KLHL22: variants seen among roughly 807,000 people sequenced by gnomAD.
KLHL22 encodes kelch like family member 22, also known as kelch-like protein 22.
Under a neutral mutation model 60.7 loss-of-function variants are expected in KLHL22, and 18 were observed. The observed-to-expected ratio is 0.30, with a 90% confidence interval of 0.20 to 0.44. The LOEUF is 0.44. Among genes scored for constraint, KLHL22 ranks in the 20% least tolerant of loss-of-function variants. The probability of loss-of-function intolerance (pLI) is 1.00; values close to 1 mark genes in which losing one functional copy is unlikely to be tolerated. For missense variants in KLHL22, 596 were observed against 852.3 expected (o/e 0.70, Z 3.74); for synonymous variants, 355 against 354.5 (o/e 1.00, Z -0.01).
At position 20,451,586 on chromosome 22, in the gene KLHL22, T is replaced by C; in HGVS notation, c.1306-4910A>G. The C allele has an allele frequency of 2.5e-6, 4 of 1,596,594 alleles. No homozygotes were observed. The South Asian group carries it at 4.4e-5, about 18-fold the overall frequency. Reference sequence around the variant, plus strand: ...GATGGTACAGCCCACCTTTCTTCCGTTGAAGCATACAACATTCGCACTGAT... The same window carrying C: ...GATGGTACAGCCCACCTTTCTTCCGCTGAAGCATACAACATTCGCACTGAT... On this transcript the variant is annotated intron_variant, in intron 5 of 6. Coordinates refer to ENST00000328879, the MANE Select transcript of KLHL22 (RefSeq NM_032775.4).
Position 20,488,996 on chromosome 22 carries a change from G to A in KLHL22, c.216C>T (p.Cys72=), listed in dbSNP as rs370020830. 84 of 1,613,566 alleles carry A rather than the reference G, an allele frequency of 5.2e-5. No homozygotes were observed. Among genetic ancestry groups the A allele is most frequent in the Admixed American group, 8.3e-5 (5 of 59,998 alleles). The change falls in exon 2 of 7, where the codon TGC becomes TGT. Residue 72 remains cysteine, a synonymous_variant. Coordinates refer to ENST00000328879, the MANE Select transcript of KLHL22 (RefSeq NM_032775.4). ...TCTAGTGAACTCACCTGAAGTAATC[G>A]CAGGACGCAGCCAGCAGGATGCGAT... ...EAHRILLAAS[C]DYFRGMFAGG...
chr22:20,480,883 A>C (rs2146266783), intron 2 of KLHL22, among the ~76,000 whole-genome samples: 1 of 146,524 alleles, frequency 6.8e-6, no homozygotes, highest in East Asian at 2.1e-4. Context: ...CCAGGCTGGA[A>C]TGCAGTGGCG....
chr22:20,492,548 A>G (rs987622965), intron 1 of KLHL22, among the ~76,000 whole-genome samples: 3 of 150,986 alleles, frequency 2.0e-5, no homozygotes, highest in African/African-American at 7.3e-5. Context: ...TCCCTCTATC[A>G]TTGTACAGAG....
intron 4 of KLHL22, among the ~76,000 whole-genome samples, chr22:20,461,612 T>G (rs2146208635): frequency 6.6e-6 from 1 of 150,988 alleles, no homozygotes; most frequent in East Asian, 2.0e-4. Context: ...TTCCATGACT[T>G]AAGTATTTTC....
At chr22:20,470,832 A>G (rs1459207704) in intron 3 of KLHL22, among the ~76,000 whole-genome samples, 3 of 143,098 alleles carry the variant, frequency 2.1e-5, no homozygotes, top group South Asian at 4.2e-4. Context: ...GGATGGATGC[A>G]TGCATGCATG....
chr22:20,483,182 T>G, intron 2 of KLHL22: 2 of 639,812 alleles, frequency 3.1e-6, no homozygotes. Context: ...GGAGTCCAGG[T>G]TGATCTCCAA....
Position 20,460,859 on chromosome 22 carries a change from C to A in KLHL22, c.1113-2859G>T, listed in dbSNP as rs1447692911. ...AAACAATTTTACTTATTGCTATGGA[C>A]TAGATGTTTGGATTCCCCCAAAACC... is the stretch of plus-strand genomic sequence containing the variant. On this transcript the variant is annotated intron_variant, in intron 4 of 6. Transcript: ENST00000328879. Among the ~76,000 whole-genome samples, 7 of 152,118 alleles carry A rather than the reference C, an allele frequency of 4.6e-5. No homozygotes were observed. In the East Asian group the frequency reaches 1.4e-3, roughly 29 times the overall value.
In KLHL22 at chr22:20,465,712, C is replaced by G. The variant is rs2053224219; in HGVS notation, c.394-136G>C. The G allele has an allele frequency of 1.5e-6, 1 of 657,256 alleles. No individual in the cohort carries two copies. The highest frequency in any genetic ancestry group is 1.8e-5 in the African/African-American group (1 of 55,826). The allele number at this position is 657,256 out of a possible 1,614,324, so 40.7% of individuals were successfully genotyped here. A position where few individuals can be genotyped will look rare whatever the true frequency, so the allele number is the denominator to read the frequency against. ...GGAAGTCCTCCTTAATTGTCCCCGA[C>G]CTTTTCTGACACACTGGAGACTGGG... is the stretch of plus-strand genomic sequence containing the variant. On this transcript the variant is annotated intron_variant, in intron 3 of 6. Coordinates refer to ENST00000328879, the MANE Select transcript of KLHL22 (RefSeq NM_032775.4). The surrounding 1 kb of genome is among the most constrained non-coding windows in gnomAD (Gnocchi z 4.9).
chr22:20,475,247 C>T (rs2053392457), intron 2 of KLHL22: 1 of 150,420 alleles, frequency 6.6e-6, no homozygotes, highest in Non-Finnish European at 1.5e-5. Context: ...AAAAGTAGAA[C>T]CTGGAGTTGG....
intron 6 of KLHL22, among the ~76,000 whole-genome samples, chr22:20,442,941 C>T (rs530712735): frequency 6.6e-6 from 1 of 152,210 alleles, no homozygotes; most frequent in Non-Finnish European, 1.5e-5. Context: ...TAATTCCTTG[C>T]GGAGTAGTCA....
intron 2 of KLHL22, among the ~76,000 whole-genome samples, chr22:20,486,162 G>A (rs1256889814): frequency 3.6e-5 from 4 of 110,046 alleles, no homozygotes; most frequent in African/African-American, 7.1e-5. Context: ...GTGAGATTCC[G>A]TCTCAAAAAA....
chr22:20,490,232 A>G (rs902797019), intron 1 of KLHL22, among the ~76,000 whole-genome samples: 2 of 152,156 alleles, frequency 1.3e-5, no homozygotes, highest in Non-Finnish European at 2.9e-5. Context: ...TTATTCTCCA[A>G]TTACCTCCAG....
In KLHL22 at chr22:20,454,228, C is replaced by T. The variant is rs559136677; in HGVS notation, c.1305+3580G>A. Among the ~76,000 whole-genome samples the T allele has an allele frequency of 2.5e-4, 38 of 152,120 alleles. No individual in the cohort carries two copies. The South Asian group carries it at 7.9e-3, about 32-fold the overall frequency. On this transcript the variant is annotated intron_variant, in intron 5 of 6. Coordinates refer to ENST00000328879, the MANE Select transcript of KLHL22 (RefSeq NM_032775.4). ...CCTGTAATCCCAGCTACTTGGGAGGCTGAGGCAGGAGGATCACTTGAACCA... is the reference window on the plus strand; with the variant it reads ...CCTGTAATCCCAGCTACTTGGGAGGTTGAGGCAGGAGGATCACTTGAACCA...
rs2053747263 is a variant in KLHL22, at chr22:20,495,018, T to C, written c.-34+742A>G. ...GTAGAGGAGAGGGAGTGGGTGCTGA[T>C]TCCCAGCGGGGCAGCCTTCCAAAGG... On this transcript the variant is annotated intron_variant, in intron 1 of 6. Transcript: ENST00000328879. The surrounding 1 kb of genome is among the most constrained non-coding windows in gnomAD (Gnocchi z 4.6). Among the ~76,000 whole-genome samples the C allele has an allele frequency of 1.3e-5, 2 of 152,134 alleles. No individual in the cohort carries two copies. The highest frequency in any genetic ancestry group is 1.5e-5 in the Non-Finnish European group (1 of 68,014).
chr22:20,471,834 A>G (rs1012754835), intron 2 of KLHL22, among the ~76,000 whole-genome samples: 1 of 152,210 alleles, frequency 6.6e-6, no homozygotes, highest in Non-Finnish European at 1.5e-5. Flanking sequence ...CCTGGATCGG[A>G]GCAGTAGCAA....
chr22:20,460,591 A>G (rs540513749), intron 4 of KLHL22, among the ~76,000 whole-genome samples: 3 of 118,618 alleles, frequency 2.5e-5, no homozygotes, highest in African/African-American at 9.7e-5. Context: ...CCTGGGCGAC[A>G]GAGTGAAACT....
chr22:20,449,384 T>C (rs1171429227), intron 5 of KLHL22, among the ~76,000 whole-genome samples: 4 of 150,040 alleles, frequency 2.7e-5, no homozygotes, highest in Non-Finnish European at 4.4e-5. Context: ...TTTAATGGGG[T>C]TATTTGCAGT....
chr22:20,465,560 T>C lies in KLHL22; in HGVS notation c.410A>G (p.His137Arg), dbSNP rs764729819. The C allele has an allele frequency of 1.4e-5, 22 of 1,547,818 alleles. No homozygotes were observed. The highest frequency in any genetic ancestry group is 1.7e-5 in the Admixed American group (1 of 59,900). ...ACQLQIPEII[H>R]FCCDFLMSWV... Reference sequence around the variant, plus strand: ...GGACATGAGGAAATCACAGCAGAAATGGATAATTTCTGGGATCTGCAGAGA... The same window carrying C: ...GGACATGAGGAAATCACAGCAGAAACGGATAATTTCTGGGATCTGCAGAGA... Residue 137 changes from histidine to arginine, a missense_variant, in exon 4 of 7, where the codon CAT becomes CGT. His to Arg is a conservative substitution (Grantham distance 29). Transcript: ENST00000328879. The surrounding 1 kb of genome is among the most constrained non-coding windows in gnomAD (Gnocchi z 4.9).
chr22:20,482,671 C>G (rs1418014956), intron 2 of KLHL22: 2 of 532,168 alleles, frequency 3.8e-6, no homozygotes, highest in Non-Finnish European at 6.8e-6. Flanking sequence ...CTCCCAGGTT[C>G]AAGCGGTACT....
Sources: allele counts gnomAD v4.1 joint callset (sites outside exome capture counted in the v4.1 genomes callset), GRCh38; gene constraint gnomAD v4.1.1; non-coding constraint Gnocchi (gnomAD v3.1); transcripts MANE v1.5; gene names NCBI Gene and HGNC (gene_info 2026-07-23, HGNC 2026-07-21).